The following MCPH1 variants were observed in gnomAD, a reference collection of about 807,000 sequenced individuals.
The protein encoded by MCPH1 is microcephalin.
In MCPH1, 104 loss-of-function variants were observed where a neutral mutation model predicts 84.5. The observed-to-expected ratio is 1.23, with a 90% confidence interval of 1.05 to 1.45. The LOEUF (loss-of-function observed/expected upper bound fraction) is 1.45, where lower values mean the gene tolerates loss of function less well. Among genes scored for constraint, MCPH1 ranks in the 40% most tolerant of loss-of-function variants. The pLI is 0.00. For synonymous variants in MCPH1, 514 were observed against 366.8 expected (o/e 1.40, Z -4.58); for missense variants, 1,498 against 1,005.7 (o/e 1.49, Z -6.62).
At chr8:6,433,784 T>C (rs978055246) in intron 4 of MCPH1, among the ~76,000 whole-genome samples, 11 of 152,122 alleles carry the variant, frequency 7.2e-5, no homozygotes, top group African/African-American at 2.2e-4. Flanking sequence ...TTCCCTTTCC[T>C]TCTCTTTTCC....
rs1798244329 is a variant in MCPH1 at position 6,646,969 on chromosome 8, T to G, written c.*3920T>G. 2 of 152,114 alleles carry G rather than the reference T, an allele frequency of 1.3e-5. No individual in the cohort carries two copies. The highest frequency in any genetic ancestry group is 1.5e-5 in the Non-Finnish European group (1 of 68,032). 9.4% of individuals were successfully genotyped at this position (152,114 alleles called of 1,614,324 possible). On this transcript the variant is annotated 3_prime_UTR_variant, in exon 14 of 14. Coordinates refer to ENST00000344683, the MANE Select transcript of MCPH1 (RefSeq NM_024596.5). Reference sequence around the variant, plus strand: ...AAATAAGTTGGGCTTTGTCAAAATTTTAAGTTTTGCTCTTCTGAAGAAACC... The same window carrying G: ...AAATAAGTTGGGCTTTGTCAAAATTGTAAGTTTTGCTCTTCTGAAGAAACC...
At chr8:6,571,683 A>T (rs948205106) in intron 12 of MCPH1, among the ~76,000 whole-genome samples, 9 of 152,176 alleles carry the variant, frequency 5.9e-5, no homozygotes, top group African/African-American at 2.2e-4. Context: ...ATAGGTTAAG[A>T]TAAATAAAAT....
chr8:6,418,838 C>T (rs1045252008), intron 3 of MCPH1, among the ~76,000 whole-genome samples: 1 of 152,052 alleles, frequency 6.6e-6, no homozygotes, highest in African/African-American at 2.4e-5. Context: ...CCTCAGCCTC[C>T]CAAAGTACTG....
intron 12 of MCPH1, among the ~76,000 whole-genome samples, chr8:6,546,038 C>T (rs1168664403): frequency 1.3e-5 from 2 of 152,240 alleles, no homozygotes; most frequent in East Asian, 3.8e-4. Flanking sequence ...GAATCAAACA[C>T]ACCCGGTGTG....
intron 12 of MCPH1, chr8:6,514,905 C>G: frequency 2.9e-6 from 2 of 677,984 alleles, no homozygotes; most frequent in Admixed American, 4.8e-5. Flanking sequence ...ATATAAGGCA[C>G]GGAGTAGACC....
intron 12 of MCPH1, among the ~76,000 whole-genome samples, chr8:6,515,152 A>G (rs1468069612): frequency 1.3e-5 from 2 of 152,108 alleles, no homozygotes; most frequent in African/African-American, 2.4e-5. Flanking sequence ...CCACATCTCC[A>G]TCCTGTAGAA....
intron 13 of MCPH1, chr8:6,625,283 C>G (rs1000587076): frequency 2.0e-6 from 2 of 985,340 alleles, no homozygotes; most frequent in African/African-American, 1.7e-5. Flanking sequence ...ACAGAGAGCG[C>G]AAATGCCCTG....
intron 11 of MCPH1, 67 bp from the exon 12 acceptor site, chr8:6,499,785 A>C (rs994617712): frequency 2.1e-6 from 3 of 1,416,766 alleles, no homozygotes; most frequent in Non-Finnish European, 3.0e-6. Context: ...CTTCAAAGTG[A>C]TTCTTGGTTT....
chr8:6,459,557 A>G (rs1374934814), intron 9 of MCPH1, among the ~76,000 whole-genome samples: 6 of 152,236 alleles, frequency 3.9e-5, no homozygotes, highest in Non-Finnish European at 8.8e-5. Flanking sequence ...TTTACAGGAA[A>G]TATCTTTCAC....
chr8:6,457,978 T>C (rs1192459472), intron 9 of MCPH1, among the ~76,000 whole-genome samples: 1 of 152,144 alleles, frequency 6.6e-6, no homozygotes, highest in Admixed American at 6.5e-5. Context: ...GTCATTAATA[T>C]GGGGTGCACC....
At chr8:6,642,855 G>T (rs1563231191) in intron 13 of MCPH1, 139 bp from the exon 14 acceptor site, 1 of 751,474 alleles carries the variant, frequency 1.3e-6, no homozygotes, top group East Asian at 2.7e-5. Flanking sequence ...TGTGCTCTAT[G>T]GACGTGGGGG....
At chr8:6,441,224 G>T (rs181156020) in intron 6 of MCPH1, among the ~76,000 whole-genome samples, 1 of 152,316 alleles carries the variant, frequency 6.6e-6, no homozygotes, top group Admixed American at 6.5e-5. Context: ...CTGTGTCCCA[G>T]GTGGACATCC....
intron 12 of MCPH1, among the ~76,000 whole-genome samples, chr8:6,570,616 C>T (rs140685049): frequency 6.6e-6 from 1 of 152,196 alleles, no homozygotes; most frequent in African/African-American, 2.4e-5. Context: ...CACAGAACCA[C>T]AGAAACCCTG....
intron 3 of MCPH1, among the ~76,000 whole-genome samples, chr8:6,428,017 C>T (rs949990626): frequency 9.2e-5 from 14 of 151,622 alleles, no homozygotes; most frequent in African/African-American, 1.2e-4. Flanking sequence ...GGCCTTGAAC[C>T]ACTGACCTCC....
chr8:6,503,966 C>G (rs1435119300), intron 12 of MCPH1, among the ~76,000 whole-genome samples: 3 of 152,176 alleles, frequency 2.0e-5, no homozygotes, highest in African/African-American at 7.2e-5. Flanking sequence ...GCTTTCTGCA[C>G]TTTCAGATAC....
chr8:6,564,455 A>G (rs1021725849), intron 12 of MCPH1, among the ~76,000 whole-genome samples: 4 of 152,112 alleles, frequency 2.6e-5, no homozygotes, highest in Non-Finnish European at 4.4e-5. Context: ...TTCACCTTCA[A>G]TCCTATGGCT....
intron 9 of MCPH1, 138 bp downstream of exon 9, chr8:6,455,390 A>T: frequency 1.5e-6 from 1 of 686,888 alleles, no homozygotes; most frequent in Non-Finnish European, 2.6e-6. Flanking sequence ...AATGCTGGAA[A>T]ACTCAGAATA....
At chr8:6,542,561 G>T (rs1054059054) in intron 12 of MCPH1, among the ~76,000 whole-genome samples, 2 of 151,358 alleles carry the variant, frequency 1.3e-5, no homozygotes, top group South Asian at 2.1e-4. Context: ...ACCCCATCCC[G>T]CACTCTCATC....
At chr8:6,594,720 C>T (rs1828790281) in intron 12 of MCPH1, among the ~76,000 whole-genome samples, 1 of 139,350 alleles carries the variant, frequency 7.2e-6, no homozygotes, top group African/African-American at 2.7e-5. Context: ...CAGGGGACTG[C>T]AGGGGAAGGG....
Sources: allele counts gnomAD v4.1 joint callset (sites outside exome capture counted in the v4.1 genomes callset), GRCh38; gene constraint gnomAD v4.1.1; transcripts MANE v1.5; gene names NCBI Gene and HGNC (gene_info 2026-07-23, HGNC 2026-07-21).